The following PRKAG1 variants were observed in gnomAD, a reference collection of about 807,000 sequenced individuals.
PRKAG1 encodes the protein protein kinase AMP-activated non-catalytic subunit gamma 1, also known as 5'-AMP-activated protein kinase subunit gamma-1.
Under a neutral mutation model 48.2 loss-of-function variants are expected in PRKAG1, and 27 were observed. That is an observed-to-expected ratio of 0.56 (90% CI 0.41 to 0.77). PRKAG1 has a LOEUF of 0.77. PRKAG1 is among the 30% of genes least tolerant of loss of function. The probability of loss-of-function intolerance (pLI) is 0.00; values close to 1 mark genes in which losing one functional copy is unlikely to be tolerated. For synonymous variants in PRKAG1, 130 were observed against 147.7 expected (o/e 0.88, Z 0.87); for missense variants, 287 against 398.3 (o/e 0.72, Z 2.38).
chr12:49,003,389 A>C, intron 10 of PRKAG1, 99 bp from the exon 11 acceptor site: 2 of 1,545,526 alleles, frequency 1.3e-6, no homozygotes, highest in Non-Finnish European at 1.8e-6. Flanking sequence ...GGCAATTGTC[A>C]GCCACAAGCC....
chr12:49,012,874 TC>T (rs1941814017), intron 2 of PRKAG1, 187 bp downstream of exon 2: 1 of 598,350 alleles, frequency 1.7e-6, no homozygotes, highest in Non-Finnish European at 3.0e-6. Context: ...ATATTAATCA[TC>T]CCCACTCTGC....
Position 49,015,948 on chromosome 12 carries a change from CTTT to C in PRKAG1, c.9+2781_9+2783del, listed in dbSNP as rs67495781. On this transcript the variant is annotated intron_variant, in intron 1 of 11. Transcript: ENST00000548065. ...TGTAATTACATCTACTCCTTTCTAC[CTTT>C]TTTTTTTTTTTTGAGACAGGGTGTC... Among the ~76,000 whole-genome samples, 94 of 142,524 alleles carry C rather than the reference CTTT, an allele frequency of 6.6e-4. 1 individual carries two copies. Among genetic ancestry groups the C allele is most frequent in the East Asian group, 6.1e-4 (3 of 4,892 alleles). 93.5% of individuals were successfully genotyped at this position (142,524 alleles called of 152,430 possible).
intron 1 of PRKAG1, among the ~76,000 whole-genome samples, chr12:49,015,481 C>T (rs1941929873): frequency 6.6e-6 from 1 of 152,196 alleles, no homozygotes; most frequent in East Asian, 1.9e-4. Context: ...ACAGATATGC[C>T]CAAGACTAAG....
chr12:49,002,971 CACAT>C lies in PRKAG1; in HGVS notation c.920_923del (p.Asp307GlyfsTer53). 2.5e-6 allele frequency: 4 copies of C among 1,614,186 alleles called. No individual in the cohort carries two copies. The highest frequency in any genetic ancestry group is 3.4e-6 in the Non-Finnish European group (4 of 1,180,030). ...CAGACAGTGATACAATTCCCTTGACCACATCATTTTCATCCACCACTACAAGTCG... is the reference window on the plus strand; with the variant it reads ...CAGACAGTGATACAATTCCCTTGACCCATTTTCATCCACCACTACAAGTCG... On this transcript the variant is annotated frameshift_variant, in exon 12 of 12. Coordinates refer to ENST00000548065, the MANE Select transcript of PRKAG1 (RefSeq NM_002733.5). LOFTEE classifies it high-confidence loss of function.
At chr12:49,012,303 G>A (rs1941791447) in intron 2 of PRKAG1, among the ~76,000 whole-genome samples, 1 of 152,038 alleles carries the variant, frequency 6.6e-6, no homozygotes. Flanking sequence ...TGTCTTCCCT[G>A]TGCTCTGGAT....
At position 49,005,711 on chromosome 12, in the gene PRKAG1, A is replaced by C. The variant is rs1185084054; in HGVS notation, c.168+32T>G. The C allele has an allele frequency of 6.2e-7, 1 of 1,609,076 alleles. No individual in the cohort carries two copies. The highest frequency in any genetic ancestry group is 2.2e-5 in the East Asian group (1 of 44,864). On this transcript the variant is annotated intron_variant, in intron 3 of 11. Coordinates refer to ENST00000548065, the MANE Select transcript of PRKAG1 (RefSeq NM_002733.5). The surrounding 1 kb of genome is among the most constrained non-coding windows in gnomAD (Gnocchi z 4.1). ...TGAGAGGTATTAAACCACAGGCTCC[A>C]AAGGGGGAAGGGAAAAGAGGATTTC...
intron 1 of PRKAG1, among the ~76,000 whole-genome samples, chr12:49,016,335 A>G (rs1825896239): frequency 6.6e-6 from 1 of 152,240 alleles, no homozygotes. Context: ...TCTGACAAAT[A>G]GACTCGCAAT....
chr12:49,018,341 C>T, intron 1 of PRKAG1: 1 of 626,834 alleles, frequency 1.6e-6, no homozygotes, highest in Non-Finnish European at 2.1e-6. Context: ...TACCTGCAAG[C>T]GGAGATCCCT....
chr12:49,005,370 G>C lies in PRKAG1; in HGVS notation c.251-6C>G. On this transcript the variant is annotated splice_region_variant and splice_polypyrimidine_tract_variant and intron_variant, in intron 4 of 11. Coordinates refer to ENST00000548065, the MANE Select transcript of PRKAG1 (RefSeq NM_002733.5). The surrounding 1 kb of genome is among the most constrained non-coding windows in gnomAD (Gnocchi z 4.1). ...ATCAGTGATGGTCAGCATGCCTAGA[G>C]GACAAGACAGAGCCCTCAGCACTGC... The C allele has an allele frequency of 6.2e-7, 1 of 1,614,072 alleles. No individual in the cohort carries two copies. Among genetic ancestry groups the C allele is most frequent in the Non-Finnish European group, 8.5e-7 (1 of 1,180,022 alleles).
chr12:49,018,588 G>A (rs1213115321), intron 1 of PRKAG1, 144 bp downstream of exon 1: 2 of 1,515,428 alleles, frequency 1.3e-6, no homozygotes, highest in Admixed American at 2.2e-5. Context: ...GGAGGAACAG[G>A]GTCACGGGAT....
chr12:49,006,362 C>T (rs1431911191), intron 2 of PRKAG1, among the ~76,000 whole-genome samples: 1 of 151,530 alleles, frequency 6.6e-6, no homozygotes, highest in Non-Finnish European at 1.5e-5. Flanking sequence ...ACACAGCGAA[C>T]CCCTGTCTCA....
intron 2 of PRKAG1, chr12:49,012,834 T>C: frequency 1.9e-6 from 1 of 523,242 alleles, no homozygotes; most frequent in Non-Finnish European, 3.4e-6. Context: ...GTACCTCAGA[T>C]GTTTCTCTCA....
intron 10 of PRKAG1, 117 bp downstream of exon 10, chr12:49,003,441 G>A: frequency 6.5e-7 from 1 of 1,530,056 alleles, no homozygotes; most frequent in Non-Finnish European, 8.9e-7. Flanking sequence ...GGATTTGAAA[G>A]CCTGGAAGCT....
intron 1 of PRKAG1, among the ~76,000 whole-genome samples, chr12:49,015,848 T>C (rs946425475): frequency 4.6e-5 from 7 of 151,916 alleles, no homozygotes; most frequent in African/African-American, 1.7e-4. Flanking sequence ...AGTGCTGGGA[T>C]TACAGGTATG....
In PRKAG1 at chr12:49,003,255, A is replaced by G. The variant is rs770659552; in HGVS notation, c.777T>C (p.Asp259=). The change falls in exon 11 of 12, where the codon GAT becomes GAC. Residue 259 remains aspartate, a synonymous_variant. Coordinates refer to ENST00000548065, the MANE Select transcript of PRKAG1 (RefSeq NM_002733.5). ...LAAEKTYNNL[D]VSVTKALQHR... is the part of the protein sequence containing the mutation. ...GTTGCAAGGCTTTAGTCACAGATAC[A>G]TCTAGGTTGTTGTAGGTCTTTTCTG... 6.2e-7 allele frequency: 1 copy of G among 1,614,152 alleles called. No homozygotes were observed. Among genetic ancestry groups the G allele is most frequent in the Non-Finnish European group, 8.5e-7 (1 of 1,180,030 alleles).
chr12:49,015,345 T>C (rs1213540021), intron 1 of PRKAG1, among the ~76,000 whole-genome samples: 2 of 152,240 alleles, frequency 1.3e-5, no homozygotes, highest in African/African-American at 2.4e-5. Context: ...AAACAGATTA[T>C]AAATTCCTGG....
Position 49,004,532 on chromosome 12 carries a change from C to A in PRKAG1, c.512G>T (p.Arg171Leu). The A allele has an allele frequency of 6.2e-7, 1 of 1,614,030 alleles. No homozygotes were observed. Among genetic ancestry groups the A allele is most frequent in the Non-Finnish European group, 8.5e-7 (1 of 1,179,994 alleles). ...GNTLYILTHK[R>L]ILKFLKLFIT... ...AAACAATTTGAGGAACTTCAGAATG[C>A]GCTTGTGGGTGAGGATGTACAAAGT... Residue 171 changes from arginine (R) to leucine (L), a missense_variant, in exon 8 of 12, where the codon CGC (arginine) becomes CTC (leucine). Physicochemically the swap from Arg to Leu is moderately radical, Grantham distance 102. Around this residue, in one of 2 missense-constraint regions of PRKAG1, gnomAD observed 224 missense variants for 344.3 expected, o/e 0.65. Coordinates refer to ENST00000548065, the MANE Select transcript of PRKAG1 (RefSeq NM_002733.5).
intron 1 of PRKAG1, among the ~76,000 whole-genome samples, chr12:49,013,938 G>A (rs1222167759): frequency 1.3e-5 from 2 of 152,118 alleles, no homozygotes; most frequent in Non-Finnish European, 2.9e-5. Flanking sequence ...AGGCTGGAGT[G>A]CAGTGGCGTG....
At chr12:49,008,303 A>G (rs1592277263) in intron 2 of PRKAG1, 1 of 152,218 alleles carries the variant, frequency 6.6e-6, no homozygotes, top group South Asian at 2.1e-4. Context: ...TATAATTCTT[A>G]TAACTAATCC....
Sources: gnomAD v4.1 joint callset for allele counts (sites outside exome capture counted in the v4.1 genomes callset) on GRCh38, gnomAD v4.1.1 for gene constraint, gnomAD v4.1.1 regional missense constraint, Gnocchi (gnomAD v3.1) non-coding constraint, MANE v1.5 for transcripts, NCBI Gene and HGNC (gene_info 2026-07-23, HGNC 2026-07-21) for gene names.